ARHGEF28: variants seen among roughly 807,000 people sequenced by gnomAD.
The protein encoded by ARHGEF28 is Rho guanine nucleotide exchange factor 28, also known as 190 kDa guanine nucleotide exchange factor.
ARHGEF28 carries 152 observed loss-of-function variants against 206.6 expected under a neutral mutation model. That is an observed-to-expected ratio of 0.74 (90% CI 0.64 to 0.84). The LOEUF (loss-of-function observed/expected upper bound fraction) is 0.84. Ranked by LOEUF, ARHGEF28 falls within the 40% of genes least tolerant of loss-of-function variation. The probability of loss-of-function intolerance (pLI) is 0.00; values close to 1 mark genes in which losing one functional copy is unlikely to be tolerated. For missense variants in ARHGEF28, 2,028 were observed against 2,073.2 expected (o/e 0.98, Z 0.42); for synonymous variants, 763 against 776.4 (o/e 0.98, Z 0.29).
chr5:73,749,978 G>C lies in ARHGEF28; in HGVS notation c.175G>C (p.Val59Leu), dbSNP rs371316963. Residue 59 changes from valine to leucine, a missense_variant, in exon 3 of 36, where the codon GTC becomes CTC. This residue lies in a region of ARHGEF28 where 1,002 missense variants were observed against 1,015.3 expected (regional missense o/e 0.99). Coordinates refer to ENST00000513042, the MANE Select transcript of ARHGEF28 (RefSeq NM_001177693.2). Reference sequence around the variant, plus strand: ...CGAGGATAACGTTCTCCAGTCCAGCGTCCCAGGTGAGGTGTCCTCTTTGTT... The same window carrying C: ...CGAGGATAACGTTCTCCAGTCCAGCCTCCCAGGTGAGGTGTCCTCTTTGTT... Reference protein sequence around the residue: ...RIEDNVLQSSVPGHGLQETVT... With the variant: ...RIEDNVLQSSLPGHGLQETVT... The C allele has an allele frequency of 6.2e-7, 1 of 1,613,796 alleles. No individual in the cohort carries two copies. The highest frequency in any genetic ancestry group is 8.5e-7 in the Non-Finnish European group (1 of 1,179,844).
intron 27 of ARHGEF28, 106 bp downstream of exon 27, chr5:73,892,336 CT>C: frequency 2.5e-6 from 3 of 1,199,666 alleles, no homozygotes; most frequent in Non-Finnish European, 3.5e-6. Context: ...CCAGAATGGT[CT>C]GCCCCCTGCC....
chr5:73,828,182 G>A (rs571215573), intron 9 of ARHGEF28: 1 of 152,240 alleles, frequency 6.6e-6, no homozygotes, highest in Non-Finnish European at 1.5e-5. Context: ...GTCCTTTAAG[G>A]CTTATTTTCC....
chr5:73,720,105 T>C (rs1389704716), intron 2 of ARHGEF28, among the ~76,000 whole-genome samples: 1 of 152,264 alleles, frequency 6.6e-6, no homozygotes, highest in Non-Finnish European at 1.5e-5. Flanking sequence ...TTAATGTATA[T>C]TAAGGTGCTT....
At chr5:73,697,342 A>G (rs1302967634) in intron 2 of ARHGEF28, among the ~76,000 whole-genome samples, 1 of 152,206 alleles carries the variant, frequency 6.6e-6, no homozygotes, top group Non-Finnish European at 1.5e-5. Flanking sequence ...GCATCTTTGA[A>G]AAAATCATTA....
intron 2 of ARHGEF28, among the ~76,000 whole-genome samples, chr5:73,711,175 C>T (rs370950662): frequency 7.9e-4 from 120 of 151,752 alleles, no homozygotes; most frequent in African/African-American, 2.7e-3. Context: ...GGCTATGTAC[C>T]GTGTTTTGTT....
Position 73,883,834 on chromosome 5 carries a change from G to T in ARHGEF28, c.3005G>T (p.Arg1002Leu), listed in dbSNP as rs1288359486. 1 of 1,579,148 alleles carries T rather than the reference G, an allele frequency of 6.3e-7. No homozygotes were observed. Residue 1002 changes from arginine to leucine, a missense_variant, in exon 24 of 36, where the codon CGT becomes CTT. Transcript: ENST00000513042. The part of the protein sequence containing the change: ...IPECILLVTQ[R>L]ITKYPVLVER... ...GAATGCATTCTGTTGGTCACTCAGC[G>T]TATTACAAAATACCCTGTCTTGGTG...
chr5:73,685,352 C>A (rs1747395143), intron 2 of ARHGEF28, among the ~76,000 whole-genome samples: 1 of 152,148 alleles, frequency 6.6e-6, no homozygotes, highest in South Asian at 2.1e-4. Context: ...GAGATTTGTA[C>A]TTAGATGTGC....
chr5:73,939,161 T>C (rs979835669), intron 35 of ARHGEF28, among the ~76,000 whole-genome samples: 1 of 152,156 alleles, frequency 6.6e-6, no homozygotes, highest in African/African-American at 2.4e-5. Flanking sequence ...GATCACTTCC[T>C]AGCTGCATGA....
chr5:73,863,954 G>A (rs918449049), intron 16 of ARHGEF28, among the ~76,000 whole-genome samples: 2 of 152,158 alleles, frequency 1.3e-5, no homozygotes, highest in African/African-American at 4.8e-5. Flanking sequence ...AGTTCTTGTT[G>A]GGTCACTGGC....
At chr5:73,700,346 A>G (rs926229596) in intron 2 of ARHGEF28, among the ~76,000 whole-genome samples, 2 of 152,184 alleles carry the variant, frequency 1.3e-5, no homozygotes, top group Non-Finnish European at 2.9e-5. Context: ...TACCTTCTAT[A>G]TACACACTTT....
At chr5:73,924,653 G>C (rs1226567217) in intron 35 of ARHGEF28, among the ~76,000 whole-genome samples, 1 of 152,150 alleles carries the variant, frequency 6.6e-6, no homozygotes, top group Non-Finnish European at 1.5e-5. Context: ...ACATGAATCA[G>C]CACACCTCAA....
chr5:73,918,627 C>G (rs1561194871), intron 35 of ARHGEF28, among the ~76,000 whole-genome samples: 1 of 152,116 alleles, frequency 6.6e-6, no homozygotes, highest in African/African-American at 2.4e-5. Flanking sequence ...GAAGAGATAG[C>G]TGAATATACT....
intron 12 of ARHGEF28, among the ~76,000 whole-genome samples, chr5:73,847,030 T>A (rs930175709): frequency 4.6e-5 from 7 of 152,210 alleles, no homozygotes; most frequent in Admixed American, 1.3e-4. Context: ...CTTGTTTTTT[T>A]GTTATTTATT....
chr5:73,801,616 G>C (rs1755140245), intron 9 of ARHGEF28, among the ~76,000 whole-genome samples: 1 of 152,058 alleles, frequency 6.6e-6, no homozygotes, highest in Non-Finnish European at 1.5e-5. Flanking sequence ...ATGGGAGGGG[G>C]GGACCTTAGC....
intron 1 of ARHGEF28, among the ~76,000 whole-genome samples, chr5:73,657,482 A>G (rs1745296448): frequency 6.6e-6 from 1 of 152,166 alleles, no homozygotes; most frequent in African/African-American, 2.4e-5. Flanking sequence ...TTATTTTACA[A>G]AATATTCGAT....
At chr5:73,934,229 G>T (rs1447921751) in intron 35 of ARHGEF28, among the ~76,000 whole-genome samples, 1 of 152,014 alleles carries the variant, frequency 6.6e-6, no homozygotes, top group Non-Finnish European at 1.5e-5. Flanking sequence ...ATATTCTTCT[G>T]CCCCTATATT....
chr5:73,768,265 G>A (rs1313412260), intron 4 of ARHGEF28, among the ~76,000 whole-genome samples: 1 of 151,842 alleles, frequency 6.6e-6, no homozygotes, highest in African/African-American at 2.4e-5. Flanking sequence ...TGAGAAGAGG[G>A]CCACAATCTT....
intron 35 of ARHGEF28, among the ~76,000 whole-genome samples, chr5:73,938,858 C>T (rs975517549): frequency 2.6e-5 from 4 of 151,542 alleles, no homozygotes; most frequent in African/African-American, 4.8e-5. Flanking sequence ...TATTTTTGTT[C>T]GCCCGATTAA....
chr5:73,817,680 G>A (rs1756308306), intron 9 of ARHGEF28, among the ~76,000 whole-genome samples: 1 of 152,176 alleles, frequency 6.6e-6, no homozygotes, highest in Non-Finnish European at 1.5e-5. Context: ...TTTATTAGTT[G>A]GGGTCTCCAA....
Sources: gnomAD v4.1 joint callset for allele counts (sites outside exome capture counted in the v4.1 genomes callset) on GRCh38, gnomAD v4.1.1 for gene constraint, gnomAD v4.1.1 regional missense constraint, MANE v1.5 for transcripts, NCBI Gene and HGNC (gene_info 2026-07-23, HGNC 2026-07-21) for gene names.